Variants in C10orf67 observed in about 807,000 individuals in gnomAD.
C10orf67 encodes the protein uncharacterized protein C10orf67, mitochondrial.
In C10orf67, 60 loss-of-function variants were observed where a neutral mutation model predicts 35.6. The observed-to-expected ratio is 1.68, with a 90% CI of 1.37 to 2.09. C10orf67 has a LOEUF of 2.09. Ranked by LOEUF, C10orf67 falls within the 30% of genes most tolerant of loss-of-function variation. C10orf67 has a pLI of 0.00. For synonymous variants in C10orf67, 167 were observed against 115.8 expected, an observed-to-expected ratio of 1.44 and a Z score of -2.84; for missense variants, 474 against 330.2, an observed-to-expected ratio of 1.44 and a Z score of -3.38.
At position 23,211,287 on chromosome 10, in the gene C10orf67, C is replaced by T. The variant is rs142172898; in HGVS notation, c.1571-7032G>A. Among the ~76,000 whole-genome samples, 12 of 152,282 alleles carry T rather than the reference C, an allele frequency of 7.9e-5. No individual in the cohort carries two copies. In the East Asian group the frequency reaches 2.1e-3, roughly 27 times the overall value. ...TGTCTCTGCCATCACATAGTGTCTC[C>T]CTGTGTGTCTCTGTCTTCACAGGAC... is the stretch of plus-strand genomic sequence containing the variant. On this transcript the variant is annotated intron_variant, in intron 15 of 15. Transcript: ENST00000636213.
chr10:23,326,257 C>T (rs2132358480), intron 2 of C10orf67, among the ~76,000 whole-genome samples: 1 of 151,932 alleles, frequency 6.6e-6, no homozygotes, highest in East Asian at 1.9e-4. Flanking sequence ...TGTTGAAAAC[C>T]AAAGATTAAA....
At chr10:23,309,700 C>T (rs1844424230) in intron 4 of C10orf67, among the ~76,000 whole-genome samples, 1 of 152,188 alleles carries the variant, frequency 6.6e-6, no homozygotes, top group South Asian at 2.1e-4. Flanking sequence ...CTGGGAAACT[C>T]ATTTAAAATC....
At chr10:23,302,277 T>A (rs1844105841) in intron 5 of C10orf67, among the ~76,000 whole-genome samples, 1 of 151,968 alleles carries the variant, frequency 6.6e-6, no homozygotes, top group South Asian at 2.1e-4. Context: ...TATGCATATG[T>A]ATATTATATA....
At chr10:23,268,272 G>A (rs571958435) in intron 8 of C10orf67, among the ~76,000 whole-genome samples, 5 of 152,286 alleles carry the variant, frequency 3.3e-5, no homozygotes, top group African/African-American at 7.2e-5. Flanking sequence ...TCCAACCTAG[G>A]CAACAGAGTG....
Position 23,337,520 on chromosome 10 carries a change from T to A in C10orf67, c.207-4338A>T, listed in dbSNP as rs556773255. On this transcript the variant is annotated intron_variant, in intron 1 of 15. Transcript: ENST00000636213. ...CTGCACTTCAGCTTGGATGACAGAGTGAGATCCTGCCTCAAAAAATAAAAA... is the reference window on the plus strand; with the variant it reads ...CTGCACTTCAGCTTGGATGACAGAGAGAGATCCTGCCTCAAAAAATAAAAA... 2.6e-5 allele frequency among the ~76,000 whole-genome samples: 4 copies of A among 152,132 alleles called. No individual in the cohort carries two copies. The East Asian group carries it at 7.7e-4, about 29-fold the overall frequency.
At chr10:23,274,183 G>C (rs535369680) in intron 8 of C10orf67, among the ~76,000 whole-genome samples, 3 of 152,282 alleles carry the variant, frequency 2.0e-5, no homozygotes, top group Admixed American at 2.0e-4. Flanking sequence ...AAAGGGCAGA[G>C]CAAGATCACA....
At chr10:23,304,467 CCT>C (rs1429988060) in intron 4 of C10orf67, among the ~76,000 whole-genome samples, 1 of 152,166 alleles carries the variant, frequency 6.6e-6, no homozygotes, top group Non-Finnish European at 1.5e-5. Context: ...CCCATCAATG[CCT>C]CTGGAGGCAA....
intron 4 of C10orf67, among the ~76,000 whole-genome samples, chr10:23,313,887 C>T (rs559463259): frequency 1.6e-4 from 25 of 152,194 alleles, no homozygotes; most frequent in Admixed American, 6.5e-4. Context: ...GTGTTTTGAA[C>T]GACCACCCAG....
At chr10:23,305,165 C>G (rs779165628) in intron 4 of C10orf67, among the ~76,000 whole-genome samples, 1 of 152,124 alleles carries the variant, frequency 6.6e-6, no homozygotes, top group Non-Finnish European at 1.5e-5. Flanking sequence ...ACATGACACT[C>G]TCAAGAAAAT....
intron 4 of C10orf67, among the ~76,000 whole-genome samples, chr10:23,305,068 CAGTCTGTAATG>C (rs1844224705): frequency 6.6e-6 from 1 of 152,158 alleles, no homozygotes; most frequent in Non-Finnish European, 1.5e-5. Flanking sequence ...CTACCAAAAC[CAGTCTGTAATG>C]ACTGGAGGAA....
intron 12 of C10orf67, among the ~76,000 whole-genome samples, chr10:23,242,843 G>A (rs1053199112): frequency 1.4e-4 from 22 of 151,920 alleles, no homozygotes; most frequent in Non-Finnish European, 2.9e-4. Context: ...ATATAAAACA[G>A]GTCAAATAGA....
chr10:23,295,258 T>C (rs1171547854), intron 5 of C10orf67, among the ~76,000 whole-genome samples: 1 of 152,246 alleles, frequency 6.6e-6, no homozygotes, highest in Non-Finnish European at 1.5e-5. Context: ...CCTGCTTACA[T>C]ATGAGCCGGT....
chr10:23,309,660 A>G (rs186379305), intron 4 of C10orf67, among the ~76,000 whole-genome samples: 3 of 152,302 alleles, frequency 2.0e-5, no homozygotes, highest in Admixed American at 6.5e-5. Context: ...GTGCCAAGTC[A>G]TCTTCATCAG....
intron 4 of C10orf67, among the ~76,000 whole-genome samples, chr10:23,306,740 G>A (rs183733529): frequency 2.0e-5 from 3 of 151,906 alleles, no homozygotes; most frequent in Non-Finnish European, 2.9e-5. Flanking sequence ...TACTGCCACC[G>A]CCCCCCACCC....
At chr10:23,323,849 G>A (rs1038723870) in intron 2 of C10orf67, among the ~76,000 whole-genome samples, 2 of 130,574 alleles carry the variant, frequency 1.5e-5, no homozygotes, top group South Asian at 2.6e-4. Flanking sequence ...AGCCAAGATC[G>A]CACCACTGCA....
intron 15 of C10orf67, among the ~76,000 whole-genome samples, chr10:23,205,071 A>G (rs946995991): frequency 1.3e-5 from 2 of 152,246 alleles, no homozygotes; most frequent in African/African-American, 4.8e-5. Context: ...TCCAAGGCTT[A>G]ACATGAACAA....
Position 23,265,141 on chromosome 10 carries a change from T to C in C10orf67, c.1200+1121A>G, listed in dbSNP as rs545741933. ...TTCCTAGCTCTCTGCGAAGTGGAAA[T>C]GCTCACAGAGGAGAATGCTTTTTCT... On this transcript the variant is annotated intron_variant, in intron 10 of 15. Transcript: ENST00000636213. Among the ~76,000 whole-genome samples the C allele has an allele frequency of 3.9e-5, 6 of 152,370 alleles. No homozygotes were observed. In the East Asian group the frequency reaches 1.2e-3, roughly 29 times the overall value.
chr10:23,323,360 G>A (rs1042461935), intron 2 of C10orf67, among the ~76,000 whole-genome samples: 1 of 152,104 alleles, frequency 6.6e-6, no homozygotes, highest in Non-Finnish European at 1.5e-5. Context: ...GCTCCCACCT[G>A]TAATCCCAAA....
chr10:23,331,149 C>G (rs1217750133), intron 2 of C10orf67, among the ~76,000 whole-genome samples: 1 of 72,832 alleles, frequency 1.4e-5, no homozygotes, highest in Non-Finnish European at 2.7e-5. Context: ...AGACGGGAAC[C>G]AGGAAGGGAA....
Sources: gnomAD v4.1 joint callset for allele counts (sites outside exome capture counted in the v4.1 genomes callset) on GRCh38, gnomAD v4.1.1 for gene constraint, MANE v1.5 for transcripts, NCBI Gene and HGNC (gene_info 2026-07-23, HGNC 2026-07-21) for gene names.